Variants in PCCA observed in about 807,000 individuals in gnomAD.
PCCA encodes propionyl-CoA carboxylase subunit alpha, also known as propionyl-CoA carboxylase alpha chain, mitochondrial.
Under a neutral mutation model 101.3 loss-of-function variants are expected in PCCA, and 74 were observed. That is an observed-to-expected ratio of 0.73 (90% CI 0.61 to 0.89). The LOEUF (loss-of-function observed/expected upper bound fraction) is 0.89, where lower values mean the gene tolerates loss of function less well. Ranked by LOEUF, PCCA falls within the 40% of genes least tolerant of loss-of-function variation. The pLI is 0.00. For missense variants in PCCA, 891 were observed against 907.0 expected (o/e 0.98, Z 0.23); for synonymous variants, 294 against 313.6 (o/e 0.94, Z 0.66).
At chr13:100,118,310 C>T (rs1240856499) in intron 4 of PCCA, among the ~76,000 whole-genome samples, 2 of 151,722 alleles carry the variant, frequency 1.3e-5, no homozygotes, top group Non-Finnish European at 2.9e-5. Context: ...TCCAGTTGAC[C>T]CCAGTTGTCC....
intron 12 of PCCA, among the ~76,000 whole-genome samples, chr13:100,275,786 C>T (rs2063612428): frequency 6.6e-6 from 1 of 151,994 alleles, no homozygotes; most frequent in African/African-American, 2.4e-5. Context: ...CATTACAACA[C>T]ACATCCTTAA....
intron 6 of PCCA, among the ~76,000 whole-genome samples, chr13:100,202,168 C>CAAAAAAA (rs10678691): frequency 1.0e-5 from 1 of 96,804 alleles, no homozygotes; most frequent in African/African-American, 3.8e-5. Flanking sequence ...CATCTCTACC[C>CAAAAAAA]AAAAAAAAAA....
Position 100,530,292 on chromosome 13 carries a change from C to A in PCCA, c.*126C>A. ...AGCTACGTTTACGTCGTCATTTATT[C>A]CACAGAGTCAAGACCAATATTCTGC... On this transcript the variant is annotated 3_prime_UTR_variant, in exon 24 of 24. Coordinates refer to ENST00000376285, the MANE Select transcript of PCCA (RefSeq NM_000282.4). 1 of 801,440 alleles carries A rather than the reference C, an allele frequency of 1.2e-6. No homozygotes were observed. The highest frequency in any genetic ancestry group is 2.2e-6 in the Non-Finnish European group (1 of 463,396). 49.6% of individuals were successfully genotyped at this position (801,440 alleles called of 1,614,324 possible).
intron 8 of PCCA, among the ~76,000 whole-genome samples, chr13:100,249,283 G>A (rs2061623807): frequency 6.6e-6 from 1 of 152,112 alleles, no homozygotes; most frequent in East Asian, 1.9e-4. Context: ...AAAGGTATAA[G>A]GATTGTGGCA....
chr13:100,518,219 G>A (rs1482758176), intron 22 of PCCA, among the ~76,000 whole-genome samples: 2 of 152,142 alleles, frequency 1.3e-5, no homozygotes, highest in Admixed American at 1.3e-4. Context: ...GTTTAGCTTA[G>A]CTGAAGTAAA....
At chr13:100,121,498 C>T (rs1235876749) in intron 4 of PCCA, among the ~76,000 whole-genome samples, 12 of 139,220 alleles carry the variant, frequency 8.6e-5, no homozygotes, top group African/African-American at 1.6e-4. Context: ...CTCTTGAGAC[C>T]GAGTCTCATT....
intron 19 of PCCA, among the ~76,000 whole-genome samples, chr13:100,406,760 A>T (rs1339990310): frequency 1.3e-5 from 2 of 152,178 alleles, no homozygotes; most frequent in East Asian, 3.9e-4. Context: ...GACTCTGAAA[A>T]ACTAAACAAG....
chr13:100,300,703 G>A (rs1015547684), intron 12 of PCCA, among the ~76,000 whole-genome samples: 3 of 152,164 alleles, frequency 2.0e-5, no homozygotes, highest in East Asian at 1.9e-4. Context: ...CTAAGTGATC[G>A]ACCAAGTTTA....
At chr13:100,118,200 TA>T (rs1479529498) in intron 4 of PCCA, among the ~76,000 whole-genome samples, 1 of 151,714 alleles carries the variant, frequency 6.6e-6, no homozygotes, top group Non-Finnish European at 1.5e-5. Flanking sequence ...CTCGCAGTAA[TA>T]AGTATGGTTT....
intron 12 of PCCA, among the ~76,000 whole-genome samples, chr13:100,284,450 A>G (rs1472204792): frequency 6.6e-6 from 1 of 152,234 alleles, no homozygotes; most frequent in African/African-American, 2.4e-5. Flanking sequence ...ACTTTTCCTT[A>G]TCAAAGGCAA....
chr13:100,320,138 G>T (rs2067859044), intron 16 of PCCA, among the ~76,000 whole-genome samples: 1 of 152,098 alleles, frequency 6.6e-6, no homozygotes, highest in South Asian at 2.1e-4. Flanking sequence ...GTCTGTTATT[G>T]GTGTATAAGA....
At chr13:100,381,299 G>T (rs2076210481) in intron 19 of PCCA, among the ~76,000 whole-genome samples, 1 of 151,598 alleles carries the variant, frequency 6.6e-6, no homozygotes, top group Non-Finnish European at 1.5e-5. Context: ...TGAGGCAGGA[G>T]AATGGCATGA....
intron 5 of PCCA, among the ~76,000 whole-genome samples, chr13:100,156,770 A>G (rs2053932578): frequency 6.6e-6 from 1 of 152,236 alleles, no homozygotes; most frequent in Non-Finnish European, 1.5e-5. Context: ...CATCAGGAAT[A>G]AAATGTGTTA....
chr13:100,098,593 G>C (rs181795237), intron 1 of PCCA, among the ~76,000 whole-genome samples: 3 of 152,330 alleles, frequency 2.0e-5, no homozygotes, highest in Non-Finnish European at 2.9e-5. Flanking sequence ...TGAGCCGTTA[G>C]TTGTCAACAC....
At chr13:100,425,545 A>G in intron 19 of PCCA, 88 bp from the exon 20 acceptor site, 2 of 886,204 alleles carry the variant, frequency 2.3e-6, no homozygotes, top group Non-Finnish European at 1.9e-6. Flanking sequence ...ATCTGTTTAA[A>G]ATGGCTGCTG....
chr13:100,182,098 CTTTT>C (rs558498604), intron 6 of PCCA, among the ~76,000 whole-genome samples: 2 of 105,448 alleles, frequency 1.9e-5, no homozygotes, highest in African/African-American at 3.8e-5. Flanking sequence ...TTTTCTTTTT[CTTTT>C]TTTTTTTTTT....
chr13:100,477,231 T>G (rs940960482), intron 21 of PCCA: 2 of 152,178 alleles, frequency 1.3e-5, no homozygotes, highest in Non-Finnish European at 2.9e-5. Context: ...AATGAGTTGG[T>G]GCATGCATAA....
intron 20 of PCCA, among the ~76,000 whole-genome samples, chr13:100,430,634 C>T (rs2079482526): frequency 6.6e-6 from 1 of 152,198 alleles, no homozygotes; most frequent in South Asian, 2.1e-4. Context: ...TCTAAATAGA[C>T]ATCTGTGTTA....
intron 1 of PCCA, among the ~76,000 whole-genome samples, chr13:100,092,490 C>T (rs2046371794): frequency 6.6e-6 from 1 of 152,038 alleles, no homozygotes; most frequent in Non-Finnish European, 1.5e-5. Context: ...TCAAGCCATC[C>T]TCCCATCTCA....
Sources: gnomAD v4.1 joint callset for allele counts (sites outside exome capture counted in the v4.1 genomes callset) on GRCh38, gnomAD v4.1.1 for gene constraint, MANE v1.5 for transcripts, NCBI Gene and HGNC (gene_info 2026-07-23, HGNC 2026-07-21) for gene names.